INPP5D: variants seen among roughly 807,000 people sequenced by gnomAD.
INPP5D encodes phosphatidylinositol 3,4,5-trisphosphate 5-phosphatase 1.
INPP5D carries 33 observed loss-of-function variants against 122.9 expected under a neutral mutation model. The ratio of observed to expected loss-of-function variants is 0.27; its 90% confidence interval spans 0.20 to 0.36. INPP5D has a LOEUF of 0.36. INPP5D is among the 10% of genes least tolerant of loss of function. The pLI, the probability that INPP5D is intolerant of heterozygous loss-of-function variation, is 1.00. For synonymous variants in INPP5D, 584 were observed against 576.2 expected (o/e 1.01, Z -0.19); for missense variants, 1,053 against 1,412.7 (o/e 0.75, Z 4.08).
At chr2:233,073,852 T>G (rs1352334649) in intron 1 of INPP5D, among the ~76,000 whole-genome samples, 1 of 152,122 alleles carries the variant, frequency 6.6e-6, no homozygotes, top group African/African-American at 2.4e-5. Context: ...GTGTGTTAAA[T>G]TCTGACTCTA....
chr2:233,193,731 C>A, intron 22 of INPP5D, 81 bp from the exon 23 acceptor site: 2 of 1,607,860 alleles, frequency 1.2e-6, no homozygotes, highest in East Asian at 4.5e-5. Context: ...TTTCAAAGGA[C>A]CAACTCTCCG....
chr2:233,138,575 T>C (rs918278144), intron 5 of INPP5D, among the ~76,000 whole-genome samples: 5 of 152,108 alleles, frequency 3.3e-5, no homozygotes, highest in African/African-American at 4.8e-5. Flanking sequence ...AGTACAGTCA[T>C]TGGAGCTATT....
At position 233,206,856 on chromosome 2, in the gene INPP5D, G is replaced by A; in HGVS notation, c.*148G>A. The A allele has an allele frequency of 1.5e-6, 1 of 664,848 alleles. No homozygotes were observed. Among genetic ancestry groups the A allele is most frequent in the East Asian group, 2.9e-5 (1 of 34,972 alleles). The allele number at this position is 664,848 out of a possible 1,614,324, so 41.2% of individuals were successfully genotyped here. ...CAGGAAAGGGCCTAGCTTCTGTGTG[G>A]CCCACAGAGTTCACTGCCTGTGAGA... On this transcript the variant is annotated 3_prime_UTR_variant, in exon 27 of 27. Transcript: ENST00000445964. This position sits in a 1 kb window ranked among gnomAD's most constrained non-coding sequence, Gnocchi z 4.0.
At chr2:233,138,232 C>T (rs148057535) in intron 5 of INPP5D, among the ~76,000 whole-genome samples, 5,765 of 148,110 alleles carry the variant, frequency 0.039, 359 homozygotes, top group African/African-American at 0.14. Flanking sequence ...TGCCTGTAAT[C>T]CCAGCTACTC....
In INPP5D at chr2:233,146,005, TC is replaced by T. The variant is rs773557592; in HGVS notation, c.754-154del. ...GTGAATTCTGAGAAGATTGTAGAGA[TC>T]CCTGTGTCCTCATCTGCCAGAAGGG... On this transcript the variant is annotated intron_variant, in intron 6 of 26. Coordinates refer to ENST00000445964, the MANE Select transcript of INPP5D (RefSeq NM_001017915.3). The T allele has an allele frequency of 4.0e-5, 28 of 702,016 alleles. 1 individual carries two copies. In the Admixed American group the frequency reaches 4.2e-4, roughly 11 times the overall value. 43.5% of individuals were successfully genotyped at this position (702,016 alleles called of 1,614,324 possible).
At position 233,170,020 on chromosome 2, in the gene INPP5D, C is replaced by T. The variant is rs1694451238; in HGVS notation, c.1653-6C>T. 2 of 1,614,016 alleles carry T rather than the reference C, an allele frequency of 1.2e-6. No individual in the cohort carries two copies. Among genetic ancestry groups the T allele is most frequent in the Non-Finnish European group, 1.7e-6 (2 of 1,179,868 alleles). The stretch of plus-strand genomic sequence containing the variant: ...GTGCTAGATGGCCGCTTTTTCCTTG[C>T]ATTAGGCGAAACCAAAACTATATGA... On this transcript the variant is annotated splice_polypyrimidine_tract_variant and splice_region_variant and intron_variant, in intron 14 of 26. Coordinates refer to ENST00000445964, the MANE Select transcript of INPP5D (RefSeq NM_001017915.3). The surrounding 1 kb of genome is among the most constrained non-coding windows in gnomAD (Gnocchi z 4.5).
At chr2:233,145,381 G>T in intron 6 of INPP5D, 1 of 454,310 alleles carries the variant, frequency 2.2e-6, no homozygotes, top group East Asian at 7.0e-5. Context: ...TTGCAGTACT[G>T]AACACAGTCC....
chr2:233,155,135 AAGAG>A (rs1470716211), intron 9 of INPP5D, among the ~76,000 whole-genome samples: 1 of 152,140 alleles, frequency 6.6e-6, no homozygotes. Context: ...GATGAGGAGA[AAGAG>A]AGAAGGGGGA....
In INPP5D at chr2:233,197,340, AT is replaced by A. The variant is rs1323723952; in HGVS notation, c.2694-750del. ...CCTTGATCTCTGTGACCTCACACTC[AT>A]TTTTCTAAATATGCACATGGCTGTC... On this transcript the variant is annotated intron_variant, in intron 24 of 26. Coordinates refer to ENST00000445964, the MANE Select transcript of INPP5D (RefSeq NM_001017915.3). This position sits in a 1 kb window ranked among gnomAD's most constrained non-coding sequence, Gnocchi z 4.4. Among the ~76,000 whole-genome samples, 1 of 151,996 alleles carries A rather than the reference AT, an allele frequency of 6.6e-6. No individual in the cohort carries two copies. The highest frequency in any genetic ancestry group is 1.9e-4 in the East Asian group (1 of 5,188).
chr2:233,066,431 C>G (rs1170072353), intron 1 of INPP5D, among the ~76,000 whole-genome samples: 1 of 152,226 alleles, frequency 6.6e-6, no homozygotes, highest in African/African-American at 2.4e-5. Context: ...GAGCAAGGCT[C>G]TGTGGTCTGC....
chr2:233,192,492 T>C (rs1346313885), intron 22 of INPP5D, among the ~76,000 whole-genome samples: 10 of 152,228 alleles, frequency 6.6e-5, no homozygotes. Flanking sequence ...AACATCATTT[T>C]ATACTCTGCT....
At chr2:233,195,289 C>A in intron 23 of INPP5D, 110 bp from the exon 24 acceptor site, 1 of 1,535,076 alleles carries the variant, frequency 6.5e-7, no homozygotes, top group South Asian at 1.1e-5. Context: ...TCCAGGTACT[C>A]ACTATTCACT....
intron 2 of INPP5D, among the ~76,000 whole-genome samples, chr2:233,115,135 G>A (rs1175212600): frequency 6.6e-6 from 1 of 152,246 alleles, no homozygotes; most frequent in Non-Finnish European, 1.5e-5. Flanking sequence ...CCAAAGTGCT[G>A]GGATTGCAAG....
chr2:233,200,110 G>A (rs968161896), intron 25 of INPP5D, among the ~76,000 whole-genome samples: 2 of 152,210 alleles, frequency 1.3e-5, no homozygotes, highest in Non-Finnish European at 2.9e-5. Context: ...GGGAAGCCCC[G>A]GACGGTGGAG....
At chr2:233,075,276 C>A (rs1691489674) in intron 1 of INPP5D, among the ~76,000 whole-genome samples, 1 of 152,202 alleles carries the variant, frequency 6.6e-6, no homozygotes. Flanking sequence ...TAATCCTGAT[C>A]TGATTACTCT....
intron 2 of INPP5D, among the ~76,000 whole-genome samples, chr2:233,117,140 G>C (rs943802282): frequency 6.6e-6 from 1 of 152,170 alleles, no homozygotes; most frequent in Non-Finnish European, 1.5e-5. Context: ...TTCCTTCTCT[G>C]TTTCAAAATG....
chr2:233,155,194 ATAT>A (rs1238787226), intron 9 of INPP5D, among the ~76,000 whole-genome samples: 2 of 152,246 alleles, frequency 1.3e-5, no homozygotes, highest in East Asian at 3.8e-4. Flanking sequence ...GCAATAAAAA[ATAT>A]TATAGCAGTA....
At chr2:233,085,689 T>TC (rs546774068) in intron 2 of INPP5D, among the ~76,000 whole-genome samples, 4 of 152,122 alleles carry the variant, frequency 2.6e-5, no homozygotes, top group South Asian at 4.2e-4. Flanking sequence ...AAGCCAAGCC[T>TC]CCCCCCGTTT....
intron 1 of INPP5D, among the ~76,000 whole-genome samples, chr2:233,071,705 C>T (rs2106201931): frequency 6.6e-6 from 1 of 152,234 alleles, no homozygotes; most frequent in Non-Finnish European, 1.5e-5. Flanking sequence ...TAATTTTCTT[C>T]ATATAGATCC....
Sources: gnomAD v4.1 joint callset for allele counts (sites outside exome capture counted in the v4.1 genomes callset) on GRCh38, gnomAD v4.1.1 for gene constraint, Gnocchi (gnomAD v3.1) non-coding constraint, MANE v1.5 for transcripts, NCBI Gene and HGNC (gene_info 2026-07-23, HGNC 2026-07-21) for gene names.